GUCY1B1: variants seen among roughly 807,000 people sequenced by gnomAD.
GUCY1B1 encodes the protein guanylate cyclase soluble subunit beta-1.
Under a neutral mutation model 71.0 loss-of-function variants are expected in GUCY1B1, and 43 were observed. The observed-to-expected ratio is 0.61, with a 90% confidence interval of 0.47 to 0.78. GUCY1B1 has a LOEUF of 0.78. Among genes scored for constraint, GUCY1B1 ranks in the 30% least tolerant of loss-of-function variants. The pLI is 0.00. For synonymous variants in GUCY1B1, 266 were observed against 259.7 expected (o/e 1.02, Z -0.23); for missense variants, 535 against 754.1 (o/e 0.71, Z 3.40).
intron 2 of GUCY1B1, among the ~76,000 whole-genome samples, chr4:155,770,538 C>T (rs1218484395): frequency 6.6e-6 from 1 of 152,152 alleles, no homozygotes; most frequent in South Asian, 2.1e-4. Flanking sequence ...GAAATTAATT[C>T]TCTTAGTTAT....
chr4:155,763,762 A>G (rs1370343634), intron 2 of GUCY1B1, among the ~76,000 whole-genome samples: 2 of 152,192 alleles, frequency 1.3e-5, no homozygotes, highest in Admixed American at 1.3e-4. Context: ...GGACTTTCCA[A>G]GTTGCCTAAA....
intron 4 of GUCY1B1, among the ~76,000 whole-genome samples, chr4:155,788,956 C>G (rs992990732): frequency 1.3e-5 from 2 of 152,150 alleles, no homozygotes; most frequent in Non-Finnish European, 2.9e-5. Context: ...TCTTCTAGTA[C>G]TCTTTACACC....
At chr4:155,781,994 T>TTGGAAAAAAA (rs1397539629) in intron 4 of GUCY1B1, among the ~76,000 whole-genome samples, 1 of 152,162 alleles carries the variant, frequency 6.6e-6, no homozygotes, top group African/African-American at 2.4e-5. Context: ...TTTCCACTTT[T>TTGGAAAAAAA]TTATTCATAA....
At chr4:155,794,939 CTCTAGATAAATATTAAGA>C (rs1344703701) in intron 6 of GUCY1B1, among the ~76,000 whole-genome samples, 5 of 152,080 alleles carry the variant, frequency 3.3e-5, no homozygotes, top group African/African-American at 1.2e-4. Context: ...ACTTTTAGCC[CTCTAGATAAATATTAAGA>C]GAGGGTTTGC....
intron 4 of GUCY1B1, chr4:155,785,220 C>A: frequency 2.6e-6 from 2 of 768,862 alleles, no homozygotes; most frequent in South Asian, 1.6e-5. Context: ...ATGAATGGAC[C>A]TACTCTCTAT....
chr4:155,797,365 G>A (rs1246735406), intron 8 of GUCY1B1, among the ~76,000 whole-genome samples: 1 of 152,142 alleles, frequency 6.6e-6, no homozygotes, highest in African/African-American at 2.4e-5. Context: ...TCTGAAAAAT[G>A]TAATACACTT....
chr4:155,778,703 T>C (rs1738219815), intron 4 of GUCY1B1, among the ~76,000 whole-genome samples: 1 of 152,210 alleles, frequency 6.6e-6, no homozygotes, highest in Non-Finnish European at 1.5e-5. Flanking sequence ...AAGCTGCCAC[T>C]TCCAAATGAA....
Position 155,805,150 on chromosome 4 carries a change from A to G in GUCY1B1, c.1757A>G (p.His586Arg). Reference protein sequence around the residue: ...ENSDPQFHLEHRGPVSMKGKK... With the variant: ...ENSDPQFHLERRGPVSMKGKK... The stretch of plus-strand genomic sequence containing the variant: ...TCAGATCCACAATTCCACTTGGAGC[A>G]CAGAGGCCCAGTGTCCATGAAGGGC... The change falls in exon 13 of 14, where the codon CAC (histidine) becomes CGC (arginine). Residue 586 changes from histidine to arginine, a missense_variant. By Grantham distance (29) the His-to-Arg change is conservative. Coordinates refer to ENST00000264424, the MANE Select transcript of GUCY1B1 (RefSeq NM_000857.5). 6 of 1,611,772 alleles carry G rather than the reference A, an allele frequency of 3.7e-6. No individual in the cohort carries two copies. Among genetic ancestry groups the G allele is most frequent in the Non-Finnish European group, 5.1e-6 (6 of 1,178,250 alleles).
intron 2 of GUCY1B1, among the ~76,000 whole-genome samples, chr4:155,771,311 C>G (rs1255404264): frequency 6.6e-6 from 1 of 152,228 alleles, no homozygotes; most frequent in East Asian, 1.9e-4. Flanking sequence ...GATAAGGGAG[C>G]TTATTTTAAT....
intron 4 of GUCY1B1, among the ~76,000 whole-genome samples, chr4:155,783,821 T>C (rs1738591354): frequency 6.6e-6 from 1 of 152,204 alleles, no homozygotes; most frequent in Non-Finnish European, 1.5e-5. Flanking sequence ...CACCATTCAC[T>C]TTATTTTTAA....
chr4:155,796,345 A>G, intron 7 of GUCY1B1, 32 bp from the exon 8 acceptor site: 3 of 1,600,974 alleles, frequency 1.9e-6, no homozygotes, highest in South Asian at 1.1e-5. Context: ...GGAGAAAGGC[A>G]TTCATTAATG....
rs531182889 is a variant in GUCY1B1 at position 155,760,108 on chromosome 4, C to G, written c.77+248C>G. 3.8e-3 allele frequency among the ~76,000 whole-genome samples: 582 copies of G among 152,264 alleles called. 9 individuals are homozygous for G. The highest frequency in any genetic ancestry group is 0.013 in the African/African-American group (539 of 41,576). On this transcript the variant is annotated intron_variant, in intron 2 of 13. Coordinates refer to ENST00000264424, the MANE Select transcript of GUCY1B1 (RefSeq NM_000857.5). ...GGAAAGGAGCCCCTAGGGGTCACCACGGCTTCCCGACCCGGCCTGAGCGTG... is the reference window on the plus strand; with the variant it reads ...GGAAAGGAGCCCCTAGGGGTCACCAGGGCTTCCCGACCCGGCCTGAGCGTG...
Position 155,802,595 on chromosome 4 carries a change from C to G in GUCY1B1, c.1413+16C>G, listed in dbSNP as rs17313765. On this transcript the variant is annotated intron_variant, in intron 10 of 13. Coordinates refer to ENST00000264424, the MANE Select transcript of GUCY1B1 (RefSeq NM_000857.5). This position sits in a 1 kb window ranked among gnomAD's most constrained non-coding sequence, Gnocchi z 4.3. ...TGTTTATAAGGCAAGTGTTCTTTAT[C>G]GCTGACTGCAGAGCTATCCAGAGGC... 1.3e-6 allele frequency: 2 copies of G among 1,551,302 alleles called. No homozygotes were observed. Among genetic ancestry groups the G allele is most frequent in the Non-Finnish European group, 1.7e-6 (2 of 1,148,658 alleles).
At chr4:155,779,364 C>T (rs971230102) in intron 4 of GUCY1B1, among the ~76,000 whole-genome samples, 7 of 152,164 alleles carry the variant, frequency 4.6e-5, no homozygotes, top group African/African-American at 1.7e-4. Context: ...AAAATATACA[C>T]CAGATGTCAA....
chr4:155,784,564 A>G (rs1350503063), intron 4 of GUCY1B1, among the ~76,000 whole-genome samples: 2 of 152,162 alleles, frequency 1.3e-5, no homozygotes, highest in Non-Finnish European at 1.5e-5. Context: ...AGGAAATACT[A>G]TACCTCATCC....
In GUCY1B1 at chr4:155,785,370, A is replaced by G. The variant is rs1738693452; in HGVS notation, c.298-4344A>G. 6 of 866,606 alleles carry G rather than the reference A, an allele frequency of 6.9e-6. No homozygotes were observed. The South Asian group carries it at 9.1e-5, about 13-fold the overall frequency. 53.7% of individuals were successfully genotyped at this position (866,606 alleles called of 1,614,324 possible). On this transcript the variant is annotated intron_variant, in intron 4 of 13. Coordinates refer to ENST00000264424, the MANE Select transcript of GUCY1B1 (RefSeq NM_000857.5). The stretch of plus-strand genomic sequence containing the variant: ...TTTTCAGTGTCTTTTTTACTTTCAT[A>G]CATATGGACATACTTCTTTGCAATT...
Position 155,759,042 on chromosome 4 carries a change from C to T in GUCY1B1, c.-99C>T. On this transcript the variant is annotated 5_prime_UTR_variant, in exon 1 of 14. Transcript: ENST00000264424. ...TCTCGCTCCAGCTCGATGCTGCCTCCCCGGCCCGGTTGCGCTGTAGCCGCT... is the reference window on the plus strand; with the variant it reads ...TCTCGCTCCAGCTCGATGCTGCCTCTCCGGCCCGGTTGCGCTGTAGCCGCT... 1 of 1,310,200 alleles carries T rather than the reference C, an allele frequency of 7.6e-7. No homozygotes were observed. Among genetic ancestry groups the T allele is most frequent in the South Asian group, 1.3e-5 (1 of 79,610 alleles). 81.2% of individuals were successfully genotyped at this position (1,310,200 alleles called of 1,614,324 possible). A position where few individuals can be genotyped will look rare whatever the true frequency, so the allele number is the denominator to read the frequency against.
In GUCY1B1 at chr4:155,801,845, C is replaced by T. The variant is rs1247423450; in HGVS notation, c.1176-497C>T. Among the ~76,000 whole-genome samples the T allele has an allele frequency of 4.6e-5, 7 of 152,298 alleles. 1 individual carries two copies. The East Asian group carries it at 1.4e-3, about 29-fold the overall frequency. On this transcript the variant is annotated intron_variant, in intron 9 of 13. Transcript: ENST00000264424. ...CAGTTTCTTCTATGGAGGAGTGAGG[C>T]ATGAATGAGACTGGAGAGAAATTCT...
rs757349618 is a variant in GUCY1B1, at chr4:155,794,004, A to C, written c.644A>C (p.Lys215Thr). ...ESRISPYTFC[K>T]AFPFHIIFDR... Reference sequence around the variant, plus strand: ...CGCATCAGCCCATATACATTCTGCAAAGCTTTTCCTTTTCATATAATATTT... The same window carrying C: ...CGCATCAGCCCATATACATTCTGCACAGCTTTTCCTTTTCATATAATATTT... Residue 215 changes from lysine to threonine, a missense_variant, in exon 6 of 14, where the codon AAA becomes ACA. Transcript: ENST00000264424. 3 of 1,613,180 alleles carry C rather than the reference A, an allele frequency of 1.9e-6. No homozygotes were observed. The African/African-American group carries it at 4.0e-5, about 22-fold the overall frequency.
Sources: gnomAD v4.1 joint callset for allele counts (sites outside exome capture counted in the v4.1 genomes callset) on GRCh38, gnomAD v4.1.1 for gene constraint, Gnocchi (gnomAD v3.1) non-coding constraint, MANE v1.5 for transcripts, NCBI Gene and HGNC (gene_info 2026-07-23, HGNC 2026-07-21) for gene names.